Variants in SUFU observed in about 807,000 individuals in gnomAD.
SUFU encodes the protein suppressor of fused homolog.
SUFU carries 7 observed loss-of-function variants against 58.9 expected under a neutral mutation model. That is an observed-to-expected ratio of 0.12 (90% CI 0.07 to 0.22). The LOEUF is 0.22. SUFU is among the 10% of genes least tolerant of loss of function. The pLI, the probability that SUFU is intolerant of heterozygous loss-of-function variation, is 1.00. For synonymous variants in SUFU, 232 were observed against 254.8 expected, an observed-to-expected ratio of 0.91 and a Z score of 0.85; for missense variants, 451 against 641.3, an observed-to-expected ratio of 0.70 and a Z score of 3.20.
rs2062644685 is a variant in SUFU, at chr10:102,529,009, AGATT to A, written c.317+19707_317+19710del. On this transcript the variant is annotated intron_variant, in intron 2 of 11. Transcript: ENST00000369902. Reference sequence around the variant, plus strand: ...TATATAAAATTGATTAAATATAACGAGATTTATGGGTTTTTTTTCTATTATTTTG... The same window carrying A: ...TATATAAAATTGATTAAATATAACGATATGGGTTTTTTTTCTATTATTTTG... Among the ~76,000 whole-genome samples, 4 of 93,022 alleles carry A rather than the reference AGATT, an allele frequency of 4.3e-5. No homozygotes were observed. The South Asian group carries it at 1.3e-3, about 31-fold the overall frequency. 61.0% of individuals were successfully genotyped at this position (93,022 alleles called of 152,430 possible). A position where few individuals can be genotyped will look rare whatever the true frequency, so the allele number is the denominator to read the frequency against.
At chr10:102,572,683 T>G in intron 3 of SUFU, 1 of 621,470 alleles carries the variant, frequency 1.6e-6, no homozygotes, top group Non-Finnish European at 3.0e-6. Context: ...TGAGCCACCA[T>G]GCCCAGCCTT....
intron 2 of SUFU, among the ~76,000 whole-genome samples, chr10:102,533,042 G>C (rs1181638989): frequency 6.6e-6 from 1 of 152,148 alleles, no homozygotes; most frequent in Non-Finnish European, 1.5e-5. Flanking sequence ...AGGACAGATT[G>C]AGGGCCACTG....
At chr10:102,533,445 G>A (rs534865032) in intron 2 of SUFU, among the ~76,000 whole-genome samples, 1 of 151,788 alleles carries the variant, frequency 6.6e-6, no homozygotes, top group Non-Finnish European at 1.5e-5. Context: ...ATGGTGGCCT[G>A]TGCTTGTGGT....
At chr10:102,595,149 A>C (rs549526723) in intron 6 of SUFU, among the ~76,000 whole-genome samples, 1 of 152,174 alleles carries the variant, frequency 6.6e-6, no homozygotes, top group Non-Finnish European at 1.5e-5. Context: ...TAAACCTGCC[A>C]TGCTTCTGTA....
At chr10:102,620,543 C>T (rs1216181095) in intron 10 of SUFU, among the ~76,000 whole-genome samples, 2 of 152,186 alleles carry the variant, frequency 1.3e-5, no homozygotes, top group Non-Finnish European at 2.9e-5. Context: ...GAAGCCAGCT[C>T]CAGTTCCACA....
Position 102,629,917 on chromosome 10 carries a change from C to T in SUFU, c.1366-149C>T. ...CAGCCGTTTGAGCCCAGCCTGCCAC[C>T]TGGGTCTAGCATTTGAGAATGAAGC... On this transcript the variant is annotated intron_variant, in intron 11 of 11. Coordinates refer to ENST00000369902, the MANE Select transcript of SUFU (RefSeq NM_016169.4). The surrounding 1 kb of genome is among the most constrained non-coding windows in gnomAD (Gnocchi z 4.7). The T allele has an allele frequency of 1.3e-6, 1 of 794,374 alleles. No individual in the cohort carries two copies. Among genetic ancestry groups the T allele is most frequent in the South Asian group, 1.3e-5 (1 of 74,086 alleles). The allele number at this position is 794,374 out of a possible 1,614,324, so 49.2% of individuals were successfully genotyped here. A position where few individuals can be genotyped will look rare whatever the true frequency, so the allele number is the denominator to read the frequency against.
chr10:102,593,794 TGGGGCTCCCTCTTGC>T (rs2063431351), intron 5 of SUFU, 73 bp downstream of exon 5: 1 of 1,503,122 alleles, frequency 6.7e-7, no homozygotes, highest in Non-Finnish European at 9.2e-7. Context: ...ACCCTCCATG[TGGGGCTCCCTCTTGC>T]GTTGTTATTT....
intron 8 of SUFU, among the ~76,000 whole-genome samples, chr10:102,608,591 G>A (rs1283481215): frequency 6.6e-6 from 1 of 152,152 alleles, no homozygotes; most frequent in African/African-American, 2.4e-5. Flanking sequence ...GGGGAACTTG[G>A]CTGTGGACCC....
chr10:102,624,148 C>T (rs866293983), intron 10 of SUFU, among the ~76,000 whole-genome samples: 2 of 152,162 alleles, frequency 1.3e-5, no homozygotes, highest in South Asian at 2.1e-4. Flanking sequence ...CATCACCATT[C>T]CCATTATTAT....
intron 8 of SUFU, among the ~76,000 whole-genome samples, chr10:102,603,733 C>T (rs531053925): frequency 6.6e-6 from 1 of 152,176 alleles, no homozygotes; most frequent in South Asian, 2.1e-4. Flanking sequence ...CACACACACA[C>T]ATATACATAG....
intron 10 of SUFU, among the ~76,000 whole-genome samples, chr10:102,620,554 G>T (rs1404973834): frequency 6.6e-6 from 1 of 152,204 alleles, no homozygotes; most frequent in Non-Finnish European, 1.5e-5. Flanking sequence ...CAGTTCCACA[G>T]GCTTTCACTT....
chr10:102,516,116 C>CT (rs1220445597), intron 2 of SUFU, among the ~76,000 whole-genome samples: 6 of 94,856 alleles, frequency 6.3e-5, no homozygotes, highest in Admixed American at 1.3e-4. Context: ...CTTTTTCTTT[C>CT]TTTCTTTTCT....
intron 8 of SUFU, among the ~76,000 whole-genome samples, chr10:102,612,169 TTGTG>T (rs34032732): frequency 0.034 from 5,104 of 148,210 alleles, 123 homozygotes; most frequent in African/African-American, 0.072. Flanking sequence ...AACTGGGTTC[TTGTG>T]TGTGTGTGTG....
At chr10:102,514,310 C>T (rs189749466) in intron 2 of SUFU, among the ~76,000 whole-genome samples, 150 of 152,322 alleles carry the variant, frequency 9.8e-4, no homozygotes, top group African/African-American at 3.3e-3. Context: ...TTGCTCCTGG[C>T]AGGCATGCTT....
At position 102,625,679 on chromosome 10, in the gene SUFU, G is replaced by A. The variant is rs574357318; in HGVS notation, c.1297-1496G>A. The stretch of plus-strand genomic sequence containing the variant: ...CAAATTACATAACCTGCCTGTGCCT[G>A]TTTCCTCCACTGTAAGGAGACATGG... On this transcript the variant is annotated intron_variant, in intron 10 of 11. Transcript: ENST00000369902. This position sits in a 1 kb window ranked among gnomAD's most constrained non-coding sequence, Gnocchi z 4.7. 6.6e-6 allele frequency among the ~76,000 whole-genome samples: 1 copy of A among 152,330 alleles called. No individual in the cohort carries two copies. Among genetic ancestry groups the A allele is most frequent in the South Asian group, 2.1e-4 (1 of 4,830 alleles).
At chr10:102,531,118 A>G (rs1285557856) in intron 2 of SUFU, among the ~76,000 whole-genome samples, 2 of 148,162 alleles carry the variant, frequency 1.3e-5, no homozygotes, top group East Asian at 4.0e-4. Flanking sequence ...AATCAGGTGT[A>G]GTGGTGCACA....
chr10:102,541,479 A>G (rs1193333753), intron 2 of SUFU, among the ~76,000 whole-genome samples: 3 of 150,568 alleles, frequency 2.0e-5, no homozygotes, highest in Admixed American at 2.0e-4. Context: ...GCTCACTGCA[A>G]CCTCTGCCTT....
chr10:102,568,488 C>T (rs991084288), intron 3 of SUFU, among the ~76,000 whole-genome samples: 2 of 152,116 alleles, frequency 1.3e-5, no homozygotes, highest in Non-Finnish European at 2.9e-5. Context: ...AGATATGTCT[C>T]TATACAAAAA....
At chr10:102,612,931 G>A (rs1025821341) in intron 8 of SUFU, among the ~76,000 whole-genome samples, 5 of 152,214 alleles carry the variant, frequency 3.3e-5, no homozygotes, top group African/African-American at 1.2e-4. Flanking sequence ...TTGGCGCAGA[G>A]TAAGGGCTCA....
Sources: gnomAD v4.1 joint callset for allele counts (sites outside exome capture counted in the v4.1 genomes callset) on GRCh38, gnomAD v4.1.1 for gene constraint, Gnocchi (gnomAD v3.1) non-coding constraint, MANE v1.5 for transcripts, NCBI Gene and HGNC (gene_info 2026-07-23, HGNC 2026-07-21) for gene names.